The following COBLL1 variants were observed in gnomAD, a reference collection of about 807,000 sequenced individuals.
The protein encoded by COBLL1 is cordon-bleu protein-like 1.
A neutral mutation model predicts 94.8 loss-of-function variants in COBLL1; 50 were observed. That is an observed-to-expected ratio of 0.53 (90% CI 0.42 to 0.67). The LOEUF (loss-of-function observed/expected upper bound fraction) is 0.67. Among genes scored for constraint, COBLL1 ranks in the 30% least tolerant of loss-of-function variants. COBLL1 has a pLI of 0.00. For synonymous variants in COBLL1, 448 were observed against 473.8 expected (o/e 0.95, Z 0.71); for missense variants, 1,362 against 1,348.7 (o/e 1.01, Z -0.15).
intron 2 of COBLL1, among the ~76,000 whole-genome samples, chr2:164,788,819 A>AC (rs776288406): frequency 1.9e-4 from 28 of 144,720 alleles, no homozygotes; most frequent in Non-Finnish European, 3.4e-4. Flanking sequence ...ACATAGTGAG[A>AC]CCCCATCTCT....
chr2:164,841,518 T>C lies in COBLL1; in HGVS notation c.-51+192A>G. ...TTACTGGGTAGCCATTTGGCGCCTC[T>C]CGGAGGGAGAGGAGCCGCCGGGGCT... is the stretch of plus-strand genomic sequence containing the variant. On this transcript the variant is annotated intron_variant, in intron 1 of 13. Coordinates refer to ENST00000652658, the MANE Select transcript of COBLL1 (RefSeq NM_001365672.2). The surrounding 1 kb of genome is among the most constrained non-coding windows in gnomAD (Gnocchi z 5.5). 1 of 1,033,700 alleles carries C rather than the reference T, an allele frequency of 9.7e-7. No individual in the cohort carries two copies. The highest frequency in any genetic ancestry group is 1.2e-6 in the Non-Finnish European group (1 of 839,676). 64.0% of individuals were successfully genotyped at this position (1,033,700 alleles called of 1,614,324 possible).
At chr2:164,783,407 C>A (rs355902) in intron 2 of COBLL1, among the ~76,000 whole-genome samples, 81,381 of 143,532 alleles carry the variant, frequency 0.57, 23,797 homozygotes, top group African/African-American at 0.78. Flanking sequence ...CAGAGTAAGA[C>A]CCTGTTGAGA....
intron 2 of COBLL1, chr2:164,837,501 G>GAA: frequency 2.3e-6 from 1 of 433,686 alleles, no homozygotes; most frequent in Non-Finnish European, 4.7e-6. Context: ...TTTGCTCTCT[G>GAA]CAAAAAAAAA....
At chr2:164,761,370 T>G (rs960762680) in intron 2 of COBLL1, 1 of 151,744 alleles carries the variant, frequency 6.6e-6, no homozygotes, top group Non-Finnish European at 1.5e-5. Context: ...CTCGCATCAT[T>G]GCACTCGAGC....
At chr2:164,795,056 CTT>C (rs990776205) in intron 2 of COBLL1, among the ~76,000 whole-genome samples, 6 of 152,168 alleles carry the variant, frequency 3.9e-5, no homozygotes, top group Non-Finnish European at 4.4e-5. Flanking sequence ...TTCGAGGACT[CTT>C]TTCATCTTCG....
chr2:164,781,668 T>C (rs536143972), intron 2 of COBLL1, among the ~76,000 whole-genome samples: 74 of 152,224 alleles, frequency 4.9e-4, no homozygotes, highest in Non-Finnish European at 9.0e-4. Flanking sequence ...AGTCTGACTA[T>C]AGAGCTACAT....
intron 2 of COBLL1, among the ~76,000 whole-genome samples, chr2:164,819,530 A>T (rs6715946): frequency 0.23 from 35,282 of 151,966 alleles, 4,457 homozygotes; most frequent in African/African-American, 0.34. Flanking sequence ...GTAAAAAAAA[A>T]TTTTTTTTAA....
At chr2:164,803,478 T>G (rs1445646817) in intron 2 of COBLL1, among the ~76,000 whole-genome samples, 1 of 150,280 alleles carries the variant, frequency 6.7e-6, no homozygotes, top group Non-Finnish European at 1.5e-5. Context: ...GGCAGGAGAA[T>G]GGCGTGAACC....
At chr2:164,770,057 T>G (rs1157582850) in intron 2 of COBLL1, among the ~76,000 whole-genome samples, 1 of 152,186 alleles carries the variant, frequency 6.6e-6, no homozygotes, top group African/African-American at 2.4e-5. Flanking sequence ...TTAAACTAAT[T>G]ATTACCACAA....
chr2:164,840,900 T>A, intron 2 of COBLL1: 1 of 379,546 alleles, frequency 2.6e-6, no homozygotes, highest in Non-Finnish European at 4.6e-6. Context: ...CTCACCCAAT[T>A]CCTGGCATTC....
chr2:164,686,250 T>G (rs539448789), intron 13 of COBLL1, among the ~76,000 whole-genome samples: 1 of 152,254 alleles, frequency 6.6e-6, no homozygotes, highest in East Asian at 1.9e-4. Flanking sequence ...AATAATCCAT[T>G]AACACATCTT....
chr2:164,705,116 A>C lies in COBLL1; in HGVS notation c.997-11T>G. 2 of 1,495,516 alleles carry C rather than the reference A, an allele frequency of 1.3e-6. No individual in the cohort carries two copies. The highest frequency in any genetic ancestry group is 1.8e-6 in the Non-Finnish European group (2 of 1,123,866). 92.6% of individuals were successfully genotyped at this position (1,495,516 alleles called of 1,614,324 possible). A position where few individuals can be genotyped will look rare whatever the true frequency, so the allele number is the denominator to read the frequency against. Reference sequence around the variant, plus strand: ...TGCTTCACAGGGACTCTGGAAAACAAAATGACCAAATAAAATCCTACATTT... The same window carrying C: ...TGCTTCACAGGGACTCTGGAAAACACAATGACCAAATAAAATCCTACATTT... On this transcript the variant is annotated splice_polypyrimidine_tract_variant and intron_variant, in intron 7 of 13. Transcript: ENST00000652658.
Position 164,762,720 on chromosome 2 carries a change from G to A in COBLL1, c.42-18845C>T, listed in dbSNP as rs1191637740. 3.9e-5 allele frequency among the ~76,000 whole-genome samples: 5 copies of A among 129,702 alleles called. No homozygotes were observed. In the Admixed American group the frequency reaches 4.1e-4, roughly 11 times the overall value. 85.1% of individuals were successfully genotyped at this position (129,702 alleles called of 152,430 possible). ...CCTTTTTTTTTTTTTTTTTTGAGAC[G>A]CAGTCTTGCTCTGTCACCCAGGCTG... On this transcript the variant is annotated intron_variant, in intron 2 of 13. Transcript: ENST00000652658.
intron 2 of COBLL1, among the ~76,000 whole-genome samples, chr2:164,786,244 A>G (rs1240549802): frequency 6.6e-6 from 1 of 152,218 alleles, no homozygotes; most frequent in Non-Finnish European, 1.5e-5. Context: ...GATACATGTA[A>G]AGTGCAAGGC....
rs543005860 is a variant in COBLL1 at position 164,805,287 on chromosome 2, GTCTCTCTCTCTCTCTCTCTCTCTCTCTC to G, written c.41+35841_41+35868del. On this transcript the variant is annotated intron_variant, in intron 2 of 13. Coordinates refer to ENST00000652658, the MANE Select transcript of COBLL1 (RefSeq NM_001365672.2). ...TACTGATATATTATTCTCTCTGTCT[GTCTCTCTCTCTCTCTCTCTCTCTCTCTC>G]TCTCTCTCTCTCTCTCTCTCTCTAT... Among the ~76,000 whole-genome samples, 32 of 34,248 alleles carry G rather than the reference GTCTCTCTCTCTCTCTCTCTCTCTCTCTC, an allele frequency of 9.3e-4. 2 individuals carry two copies. Among genetic ancestry groups the G allele is most frequent in the African/African-American group, 4.2e-3 (31 of 7,466 alleles). 22.5% of individuals were successfully genotyped at this position (34,248 alleles called of 152,430 possible).
chr2:164,700,049 G>C (rs1684168539), intron 10 of COBLL1, among the ~76,000 whole-genome samples: 1 of 152,016 alleles, frequency 6.6e-6, no homozygotes, highest in African/African-American at 2.4e-5. Flanking sequence ...GACTATAGCT[G>C]TCTGTTTCTA....
chr2:164,722,214 G>A lies in COBLL1; in HGVS notation c.857C>T (p.Pro286Leu), dbSNP rs770148857. ...ISKPYISNTLPSDAPKKRRAP... is the reference protein window; with the variant it reads ...ISKPYISNTLLSDAPKKRRAP... ...CCGCCTCTTCTTGGGTGCATCCGAC[G>A]GCAGGGTGTTGGAAATATATGGTTT... Residue 286 changes from proline (P) to leucine (L), a missense_variant, in exon 7 of 14, where the codon CCG becomes CTG. Transcript: ENST00000652658. 2.1e-5 allele frequency: 34 copies of A among 1,613,868 alleles called. No homozygotes were observed. Among genetic ancestry groups the A allele is most frequent in the Admixed American group, 1.2e-4 (7 of 59,982 alleles).
At chr2:164,743,355 T>C (rs1177526320) in intron 3 of COBLL1, 1 of 182,962 alleles carries the variant, frequency 5.5e-6, no homozygotes, top group Non-Finnish European at 1.1e-5. Context: ...GGGCTTGTTT[T>C]GTAAGTTTGG....
intron 7 of COBLL1, among the ~76,000 whole-genome samples, chr2:164,707,588 G>T (rs1446633726): frequency 2.0e-5 from 3 of 152,072 alleles, no homozygotes; most frequent in Admixed American, 2.0e-4. Context: ...GCTCCCACTG[G>T]GGTTGACCAC....
Sources: allele counts gnomAD v4.1 joint callset (sites outside exome capture counted in the v4.1 genomes callset), GRCh38; gene constraint gnomAD v4.1.1; non-coding constraint Gnocchi (gnomAD v3.1); transcripts MANE v1.5; gene names NCBI Gene and HGNC (gene_info 2026-07-23, HGNC 2026-07-21).